Variants in PCNT observed in about 807,000 individuals in gnomAD.
PCNT encodes the protein pericentrin, also known as kendrin.
Under a neutral mutation model 380.4 loss-of-function variants are expected in PCNT, and 319 were observed. The observed-to-expected ratio is 0.84, with a 90% CI of 0.77 to 0.92. The LOEUF (loss-of-function observed/expected upper bound fraction) is 0.92, where lower values mean the gene tolerates loss of function less well. PCNT is among the 40% of genes least tolerant of loss of function. The pLI, the probability that PCNT is intolerant of heterozygous loss-of-function variation, is 0.00. For missense variants in PCNT, 4,400 were observed against 4,255.3 expected (o/e 1.03, Z -0.95); for synonymous variants, 1,845 against 1,735.2 (o/e 1.06, Z -1.57).
chr21:46,418,427 C>T (rs1475199680), intron 31 of PCNT, 121 bp downstream of exon 31: 10 of 712,322 alleles, frequency 1.4e-5, no homozygotes, highest in Admixed American at 6.3e-5. Flanking sequence ...ACCTCCACCC[C>T]GGCTCTGCGC....
intron 15 of PCNT, among the ~76,000 whole-genome samples, chr21:46,368,498 A>G (rs1460833253): frequency 1.3e-5 from 2 of 151,762 alleles, no homozygotes; most frequent in African/African-American, 4.8e-5. Flanking sequence ...CCAAGTTTTT[A>G]TCATGAAGAA....
chr21:46,347,424 A>T, intron 5 of PCNT, 33 bp from the exon 6 acceptor site: 1 of 1,608,292 alleles, frequency 6.2e-7, no homozygotes, highest in Non-Finnish European at 8.5e-7. Flanking sequence ...GTTGAGATGG[A>T]GTGGCCTGAG....
At chr21:46,381,673 T>TA (rs1569226403) in intron 15 of PCNT, 21 bp from the exon 16 acceptor site, 2 of 1,608,890 alleles carry the variant, frequency 1.2e-6, no homozygotes, top group Non-Finnish European at 1.7e-6. Flanking sequence ...TGGTATTTTT[T>TA]ATTGTTATTG....
rs566658375 is a variant in PCNT at position 46,385,827 on chromosome 21, G to C, written c.3313-5G>C. 4 of 1,614,162 alleles carry C rather than the reference G, an allele frequency of 2.5e-6. No individual in the cohort carries two copies. The Admixed American group carries it at 5.0e-5, about 20-fold the overall frequency. On this transcript the variant is annotated splice_polypyrimidine_tract_variant and splice_region_variant and intron_variant, in intron 16 of 46. Transcript: ENST00000359568. ...AACGAAAGCTTTAACCATTTTTCTC[G>C]ATAGCTGAAAGACCAGGTTTTATCC... is the stretch of plus-strand genomic sequence containing the variant.
chr21:46,400,120 A>G (rs1049882241), intron 25 of PCNT, among the ~76,000 whole-genome samples: 3 of 152,368 alleles, frequency 2.0e-5, no homozygotes, highest in Admixed American at 2.0e-4. Flanking sequence ...TTAGCTTATT[A>G]AATACTTTGA....
At chr21:46,393,179 G>C (rs117486730) in intron 21 of PCNT, among the ~76,000 whole-genome samples, 5,288 of 152,214 alleles carry the variant, frequency 0.035, 135 homozygotes, top group Middle Eastern at 0.082. Context: ...GGGGGAGTGC[G>C]GGGGAACCTC....
intron 15 of PCNT, among the ~76,000 whole-genome samples, chr21:46,378,399 CTT>C (rs1467554387): frequency 2.0e-5 from 3 of 152,194 alleles, no homozygotes; most frequent in South Asian, 2.1e-4. Context: ...AACGGCCTCT[CTT>C]GCGCTTTGGG....
chr21:46,354,127 C>T lies in PCNT; in HGVS notation c.1761+59C>T, dbSNP rs984261482. The T allele has an allele frequency of 2.4e-5, 34 of 1,394,616 alleles. No individual in the cohort carries two copies. In the African/African-American group the frequency reaches 3.4e-4, roughly 14 times the overall value. 86.4% of individuals were successfully genotyped at this position (1,394,616 alleles called of 1,614,324 possible). A position where few individuals can be genotyped will look rare whatever the true frequency, so the allele number is the denominator to read the frequency against. ...CTGTGCTCTTGACCTTCCAGCCCTG[C>T]GTCTTCCACATTATAGAGCCTGTGT... On this transcript the variant is annotated intron_variant, in intron 11 of 46. Coordinates refer to ENST00000359568, the MANE Select transcript of PCNT (RefSeq NM_006031.6).
intron 3 of PCNT, among the ~76,000 whole-genome samples, chr21:46,335,789 G>A (rs1285958996): frequency 1.3e-5 from 2 of 151,326 alleles, no homozygotes; most frequent in Admixed American, 6.6e-5. Context: ...GGGTTCAAGC[G>A]ATTCTCCTGC....
At chr21:46,403,614 CGTGT>C (rs1315778385) in intron 27 of PCNT, among the ~76,000 whole-genome samples, 5 of 69,766 alleles carry the variant, frequency 7.2e-5, no homozygotes, top group African/African-American at 5.3e-5. Context: ...GTGGGAGAAT[CGTGT>C]GTGTGTGGTG....
chr21:46,403,554 T>TTG lies in PCNT; in HGVS notation c.5115+1082_5115+1083dup, dbSNP rs1291410809. On this transcript the variant is annotated intron_variant, in intron 27 of 46. Coordinates refer to ENST00000359568, the MANE Select transcript of PCNT (RefSeq NM_006031.6). ...GGTGAATGAACACAGCGTGGGAGAA[T>TTG]TGTGTGTGTGTGGTGCCCACGTGGC... is the stretch of plus-strand genomic sequence containing the variant. Among the ~76,000 whole-genome samples the TTG allele has an allele frequency of 9.2e-4, 96 of 104,222 alleles. 1 individual carries two copies. The highest frequency in any genetic ancestry group is 1.4e-3 in the Non-Finnish European group (76 of 52,418). The allele number at this position is 104,222 out of a possible 152,430, so 68.4% of individuals were successfully genotyped here.
intron 44 of PCNT, chr21:46,443,170 T>G (rs1327865509): frequency 6.2e-6 from 1 of 162,334 alleles, no homozygotes; most frequent in African/African-American, 2.4e-5. Flanking sequence ...CACCGCCGAC[T>G]GGCACCATGA....
At chr21:46,431,471 C>A in intron 37 of PCNT, 58 bp from the exon 38 acceptor site, 1 of 1,613,174 alleles carries the variant, frequency 6.2e-7, no homozygotes, top group South Asian at 1.1e-5. Context: ...ACAGGAAAAC[C>A]ATGTAGACAC....
chr21:46,421,424 G>A (rs1288131105), intron 31 of PCNT, among the ~76,000 whole-genome samples: 2 of 150,532 alleles, frequency 1.3e-5, no homozygotes, highest in Admixed American at 6.6e-5. Context: ...TGGCGCAGCT[G>A]CAGGTCTCTG....
rs933490103 is a variant in PCNT at position 46,430,213 on chromosome 21, C to A, written c.7894C>A (p.Gln2632Lys). The change falls in exon 36 of 47, where the codon CAG (glutamine) becomes AAG (lysine). Residue 2632 changes from glutamine to lysine, a missense_variant. By Grantham distance (53) the Gln-to-Lys change is moderately conservative (BLOSUM62 1). Coordinates refer to ENST00000359568, the MANE Select transcript of PCNT (RefSeq NM_006031.6). The part of the protein sequence containing the change: ...QLSRSLCEVQ[Q>K]EVLQLRSMLS... ...GTCCCGGTCCCTCTGCGAGGTGCAGCAGGAGGTCCTCCAGCTGAGGTGCGC... is the reference window on the plus strand; with the variant it reads ...GTCCCGGTCCCTCTGCGAGGTGCAGAAGGAGGTCCTCCAGCTGAGGTGCGC... The A allele has an allele frequency of 6.2e-7, 1 of 1,613,490 alleles. No individual in the cohort carries two copies. The highest frequency in any genetic ancestry group is 1.3e-5 in the African/African-American group (1 of 74,924).
At chr21:46,423,309 G>A (rs1225257948) in intron 32 of PCNT, among the ~76,000 whole-genome samples, 1 of 150,706 alleles carries the variant, frequency 6.6e-6, no homozygotes, top group Non-Finnish European at 1.5e-5. Flanking sequence ...TCCCACCTCA[G>A]CCTCCCAAGC....
chr21:46,426,077 T>A, intron 33 of PCNT, 106 bp downstream of exon 33: 1 of 974,502 alleles, frequency 1.0e-6, no homozygotes, highest in African/African-American at 4.5e-5. Context: ...TTCTTTTTTT[T>A]TTTTTTTTTT....
intron 25 of PCNT, 52 bp from the exon 26 acceptor site, chr21:46,401,499 G>A (rs1239884865): frequency 2.1e-6 from 3 of 1,427,516 alleles, no homozygotes; most frequent in Non-Finnish European, 9.9e-7. Flanking sequence ...AGCAGTTGAG[G>A]TACTGAATTC....
At chr21:46,426,077 T>TCTA (rs34739319) in intron 33 of PCNT, 106 bp downstream of exon 33, 4 of 974,492 alleles carry the variant, frequency 4.1e-6, no homozygotes, top group Non-Finnish European at 5.5e-6. Context: ...TTCTTTTTTT[T>TCTA]TTTTTTTTTT....
Sources: gnomAD v4.1 joint callset for allele counts (sites outside exome capture counted in the v4.1 genomes callset) on GRCh38, gnomAD v4.1.1 for gene constraint, MANE v1.5 for transcripts, NCBI Gene and HGNC (gene_info 2026-07-23, HGNC 2026-07-21) for gene names.